Variants in TAAR1 observed in about 807,000 individuals in gnomAD.
The protein encoded by TAAR1 is trace amine-associated receptor 1.
A neutral mutation model predicts 1.2 loss-of-function variants in TAAR1; 1 was observed. The observed-to-expected ratio is 0.81, with a 90% CI of 0.29 to 3.86. The LOEUF (loss-of-function observed/expected upper bound fraction) is 3.86, where lower values mean the gene tolerates loss of function less well. Among genes scored for constraint, TAAR1 ranks in the 30% most tolerant of loss-of-function variants. The probability of loss-of-function intolerance (pLI) is 0.18; values close to 1 mark genes in which losing one functional copy is unlikely to be tolerated. For synonymous variants in TAAR1, 153 were observed against 132.2 expected, an observed-to-expected ratio of 1.16 and a Z score of -1.08; for missense variants, 445 against 405.6, an observed-to-expected ratio of 1.10 and a Z score of -0.83.
intron 1 of TAAR1, among the ~76,000 whole-genome samples, chr6:132,657,504 A>C (rs1042252079): frequency 6.6e-6 from 1 of 151,934 alleles, no homozygotes; most frequent in Non-Finnish European, 1.5e-5. Flanking sequence ...TAAGTAAAGA[A>C]AAAACATTTA....
chr6:132,649,980 T>C (rs964069022), intron 1 of TAAR1, among the ~76,000 whole-genome samples: 17 of 152,212 alleles, frequency 1.1e-4, no homozygotes, highest in Admixed American at 6.5e-5. Flanking sequence ...GCAATTTTAT[T>C]GTCCACCTAA....
Position 132,645,718 on chromosome 6 carries a change from A to G in TAAR1, c.286T>C (p.Cys96Arg). The G allele has an allele frequency of 6.2e-7, 1 of 1,613,766 alleles. No homozygotes were observed. The highest frequency in any genetic ancestry group is 1.1e-5 in the South Asian group (1 of 91,070). ...ATGTCGGTGCTTGTGTGAATTTTAC[A>G]GAAGACTTCTCCAAAATACCAACAG... ...EHCWYFGEVFCKIHTSTDIML... is the reference protein window; with the variant it reads ...EHCWYFGEVFRKIHTSTDIML... The change falls in exon 2 of 2, where the codon TGT (cysteine) becomes CGT (arginine). Residue 96 changes from cysteine (C) to arginine (R), a missense_variant. Coordinates refer to ENST00000275216, the MANE Select transcript of TAAR1 (RefSeq NM_138327.4).
chr6:132,652,801 G>T lies in TAAR1; in HGVS notation c.-127+6329C>A, dbSNP rs77613092. On this transcript the variant is annotated intron_variant, in intron 1 of 1. Coordinates refer to ENST00000275216, the MANE Select transcript of TAAR1 (RefSeq NM_138327.4). Reference sequence around the variant, plus strand: ...GCTTCTAAGCCAATAAGAAGTGATTGGTTTCCTCCTCACCACTCTTTTTTA... The same window carrying T: ...GCTTCTAAGCCAATAAGAAGTGATTTGTTTCCTCCTCACCACTCTTTTTTA... 6.8e-3 allele frequency among the ~76,000 whole-genome samples: 1,035 copies of T among 151,574 alleles called. 15 individuals carry two copies. Among genetic ancestry groups the T allele is most frequent in the African/African-American group, 0.023 (967 of 41,240 alleles).
At chr6:132,652,986 G>A (rs55646119) in intron 1 of TAAR1, among the ~76,000 whole-genome samples, 17,850 of 151,956 alleles carry the variant, frequency 0.12, 1,263 homozygotes, top group Middle Eastern at 0.16. Flanking sequence ...GGTGGAGTGC[G>A]GGGGAGACAA....
chr6:132,648,205 T>C (rs1000953930), intron 1 of TAAR1, among the ~76,000 whole-genome samples: 4 of 152,190 alleles, frequency 2.6e-5, no homozygotes, highest in Non-Finnish European at 4.4e-5. Flanking sequence ...TCCTCCACTA[T>C]TTCCCTCTCT....
rs1280821112 is a variant in TAAR1, at chr6:132,643,571, C to T, written c.*1413G>A. Among the ~76,000 whole-genome samples the T allele has an allele frequency of 6.6e-6, 1 of 152,008 alleles. No individual in the cohort carries two copies. The highest frequency in any genetic ancestry group is 6.6e-5 in the Admixed American group (1 of 15,230). On this transcript the variant is annotated 3_prime_UTR_variant, in exon 2 of 2. Transcript: ENST00000275216. ...GACTATAATTTCTGGAAGGATTTCA[C>T]ATATCCTCCGGAGATCCTCAGATTT...
chr6:132,654,055 C>G (rs1022844682), intron 1 of TAAR1, among the ~76,000 whole-genome samples: 2 of 152,102 alleles, frequency 1.3e-5, no homozygotes, highest in African/African-American at 4.8e-5. Context: ...GACACCTGGT[C>G]CCTAGCCTCT....
At position 132,644,203 on chromosome 6, in the gene TAAR1, C is replaced by G. The variant is rs1281156843; in HGVS notation, c.*781G>C. 6.6e-6 allele frequency among the ~76,000 whole-genome samples: 1 copy of G among 151,930 alleles called. No homozygotes were observed. Among genetic ancestry groups the G allele is most frequent in the Non-Finnish European group, 1.5e-5 (1 of 67,934 alleles). On this transcript the variant is annotated 3_prime_UTR_variant, in exon 2 of 2. Transcript: ENST00000275216. ...GTTATACAGCCACAAAAAGGGATTA[C>G]TCATAGCTCAAACCTCAGCATCATG...
At chr6:132,652,503 C>T (rs1473724853) in intron 1 of TAAR1, among the ~76,000 whole-genome samples, 1 of 150,726 alleles carries the variant, frequency 6.6e-6, no homozygotes, top group Non-Finnish European at 1.5e-5. Context: ...GGCGGGGTTT[C>T]ACCATGTTGG....
intron 1 of TAAR1, among the ~76,000 whole-genome samples, chr6:132,647,348 A>T (rs1777684173): frequency 8.0e-6 from 1 of 124,478 alleles, no homozygotes; most frequent in Non-Finnish European, 1.7e-5. Flanking sequence ...GGACTTACAC[A>T]CACACATACG....
At chr6:132,647,645 AAAGAAAGAAAGAAAGAAAGAAAG>A (rs1460407053) in intron 1 of TAAR1, among the ~76,000 whole-genome samples, 2 of 145,548 alleles carry the variant, frequency 1.4e-5, no homozygotes, top group African/African-American at 5.4e-5. Context: ...AGAAAGAAAG[AAAGAAAGAAAGAAAGAAAGAAAG>A]AAAGAAAGAA....
At chr6:132,652,986 G>C (rs55646119) in intron 1 of TAAR1, among the ~76,000 whole-genome samples, 1 of 151,874 alleles carries the variant, frequency 6.6e-6, no homozygotes, top group East Asian at 1.9e-4. Flanking sequence ...GGTGGAGTGC[G>C]GGGGAGACAA....
Position 132,645,886 on chromosome 6 carries a change from C to T in TAAR1, c.118G>A (p.Gly40Ser), listed in dbSNP as rs780197767. 7 of 1,613,774 alleles carry T rather than the reference C, an allele frequency of 4.3e-6. No individual in the cohort carries two copies. In the East Asian group the frequency reaches 1.3e-4, roughly 31 times the overall value. ...MVLIILTTLV[G>S]NLIVIVSISH... ...ATAGAAACAATAACTATCAGATTGC[C>T]AACGAGTGTGGTCAGAATTATGAGC... The change falls in exon 2 of 2, where the codon GGC becomes AGC. Residue 40 changes from glycine to serine, a missense_variant. Gly to Ser is a moderately conservative substitution (Grantham distance 56, BLOSUM62 0). Transcript: ENST00000275216.
chr6:132,653,238 C>G (rs931194336), intron 1 of TAAR1, among the ~76,000 whole-genome samples: 31 of 152,228 alleles, frequency 2.0e-4, no homozygotes, highest in African/African-American at 6.5e-4. Context: ...CAGTGAAGAG[C>G]CTTCCACCAG....
intron 1 of TAAR1, among the ~76,000 whole-genome samples, chr6:132,653,631 T>G (rs1052546932): frequency 6.6e-6 from 1 of 152,220 alleles, no homozygotes; most frequent in African/African-American, 2.4e-5. Flanking sequence ...GTGCTTGCTT[T>G]GATAATAAAT....
At chr6:132,651,464 T>C (rs1340729429) in intron 1 of TAAR1, among the ~76,000 whole-genome samples, 1 of 152,208 alleles carries the variant, frequency 6.6e-6, no homozygotes, top group African/African-American at 2.4e-5. Context: ...CTGCTCTCTA[T>C]ATATCTAGAA....
At chr6:132,655,882 C>A (rs1166932392) in intron 1 of TAAR1, among the ~76,000 whole-genome samples, 1 of 152,136 alleles carries the variant, frequency 6.6e-6, no homozygotes, top group Admixed American at 6.5e-5. Flanking sequence ...CCTTGATTGT[C>A]GGTTTAGAGA....
rs1285695531 is a variant in TAAR1 at position 132,646,098 on chromosome 6, A to G, written c.-95T>C. 1.5e-6 allele frequency: 2 copies of G among 1,364,110 alleles called. No individual in the cohort carries two copies. Among genetic ancestry groups the G allele is most frequent in the Non-Finnish European group, 2.0e-6 (2 of 1,007,670 alleles). 84.5% of individuals were successfully genotyped at this position (1,364,110 alleles called of 1,614,324 possible). A position where few individuals can be genotyped will look rare whatever the true frequency, so the allele number is the denominator to read the frequency against. On this transcript the variant is annotated 5_prime_UTR_variant, in exon 2 of 2. Coordinates refer to ENST00000275216, the MANE Select transcript of TAAR1 (RefSeq NM_138327.4). ...CAGGTTACAGTTCCTTCTCATGTTTATTTTTTATTTGCACATACTTATCCC... is the reference window on the plus strand; with the variant it reads ...CAGGTTACAGTTCCTTCTCATGTTTGTTTTTTATTTGCACATACTTATCCC...
At chr6:132,650,501 C>A (rs532636232) in intron 1 of TAAR1, among the ~76,000 whole-genome samples, 1 of 152,202 alleles carries the variant, frequency 6.6e-6, no homozygotes, top group Non-Finnish European at 1.5e-5. Flanking sequence ...CTCCATTTCC[C>A]TGTTACATTC....
Sources: allele counts gnomAD v4.1 joint callset (sites outside exome capture counted in the v4.1 genomes callset), GRCh38; gene constraint gnomAD v4.1.1; transcripts MANE v1.5; gene names NCBI Gene and HGNC (gene_info 2026-07-23, HGNC 2026-07-21).